Variants in POMGNT1 observed in about 807,000 individuals in gnomAD.
POMGNT1 encodes the protein protein O-linked-mannose beta-1,2-N-acetylglucosaminyltransferase 1.
POMGNT1 carries 67 observed loss-of-function variants against 95.6 expected under a neutral mutation model. The observed-to-expected ratio is 0.70, with a 90% confidence interval of 0.58 to 0.86. POMGNT1 has a LOEUF of 0.86. Among genes scored for constraint, POMGNT1 ranks in the 40% least tolerant of loss-of-function variants. The pLI is 0.00. For missense variants in POMGNT1, 719 were observed against 855.2 expected (o/e 0.84, Z 1.99); for synonymous variants, 298 against 317.9 (o/e 0.94, Z 0.66).
At chr1:46,219,857 A>C in exon 1 of POMGNT1, 1 of 1,613,916 alleles carries the variant, frequency 6.2e-7, no homozygotes, top group South Asian at 1.1e-5. Flanking sequence ...GCGGGAGCCC[A>C]GGCCGCTCAA....
upstream of POMGNT1, among the ~76,000 whole-genome samples, chr1:46,202,383 T>C (rs985760197): frequency 6.6e-6 from 1 of 151,984 alleles, no homozygotes; most frequent in Non-Finnish European, 1.5e-5. Flanking sequence ...GGCCATCACC[T>C]GGGAGCTTAT....
At chr1:46,189,818 G>A in intron 20 of POMGNT1, 36 bp downstream of exon 20, 1 of 1,612,830 alleles carries the variant, frequency 6.2e-7, no homozygotes. Context: ...GTGTGAGGGG[G>A]AGGGGTTCTC....
chr1:46,203,350 A>T (rs1051916910), upstream of POMGNT1: 3 of 1,337,894 alleles, frequency 2.2e-6, no homozygotes, highest in African/African-American at 4.6e-5. Flanking sequence ...GCTCCGCTTT[A>T]GCAGCGGCGA....
rs764809782 is a variant in POMGNT1, at chr1:46,196,017, C to T, written c.415G>A (p.Ala139Thr). ...ACCCACCCCTAGAAACTCACCGTGG[C>T]CTGGTTGAGGACAATGACATGGATG... ...RGIHVIVLNQ[A>T]TGHVMAKRVF... Residue 139 changes from alanine (A) to threonine (T), a missense_variant, in exon 5 of 22, where the codon GCC becomes ACC. Transcript: ENST00000371984. This position sits in a 1 kb window ranked among gnomAD's most constrained non-coding sequence, Gnocchi z 4.4. 8 of 1,614,046 alleles carry T rather than the reference C, an allele frequency of 5.0e-6. No individual in the cohort carries two copies. The South Asian group carries it at 7.7e-5, about 16-fold the overall frequency.
At chr1:46,199,092 C>CCACCA (rs1215024877), upstream of POMGNT1, among the ~76,000 whole-genome samples, 4 of 152,140 alleles carry the variant, frequency 2.6e-5, no homozygotes, top group Non-Finnish European at 5.9e-5. Flanking sequence ...CGGTCGTGCG[C>CCACCA]CACCACACCC....
intron 1 of POMGNT1, chr1:46,203,539 G>A (rs1009384532): frequency 2.4e-5 from 38 of 1,568,862 alleles, no homozygotes; most frequent in Non-Finnish European, 3.2e-5. Flanking sequence ...TGTGAGCTGG[G>A]AACCTCTGGC....
At chr1:46,189,731 G>T (rs891927317) in intron 20 of POMGNT1, 123 bp downstream of exon 20, 3 of 1,556,354 alleles carry the variant, frequency 1.9e-6, no homozygotes, top group Non-Finnish European at 1.7e-6. Context: ...TGGAAGAGGT[G>T]TTCTAAGAGT....
upstream of POMGNT1, among the ~76,000 whole-genome samples, chr1:46,201,527 C>T (rs796110817): frequency 1.3e-5 from 2 of 151,220 alleles, no homozygotes; most frequent in African/African-American, 4.9e-5. Context: ...GTGAAACCCC[C>T]GTCTCTACTA....
Position 46,189,120 on chromosome 1 carries a change from C to A in POMGNT1, c.*150G>T. On this transcript the variant is annotated 3_prime_UTR_variant, in exon 22 of 22. Coordinates refer to ENST00000371984, the MANE Select transcript of POMGNT1 (RefSeq NM_017739.4). ...GAACGGGGTGTTGGAGCAGGGGAAC[C>A]CTCCCCTTGGAGTTAGTAATTAAGT... is the stretch of plus-strand genomic sequence containing the variant. 1.3e-6 allele frequency: 2 copies of A among 1,492,368 alleles called. No individual in the cohort carries two copies. Among genetic ancestry groups the A allele is most frequent in the Non-Finnish European group, 8.9e-7 (1 of 1,123,110 alleles). The allele number at this position is 1,492,368 out of a possible 1,614,324, so 92.4% of individuals were successfully genotyped here.
chr1:46,193,441 C>T, intron 11 of POMGNT1, 53 bp from the exon 12 acceptor site: 3 of 1,605,152 alleles, frequency 1.9e-6, no homozygotes, highest in Non-Finnish European at 2.6e-6. Context: ...CTCTGCCCAC[C>T]TCTGCAATCC....
upstream of POMGNT1, among the ~76,000 whole-genome samples, chr1:46,201,697 C>CAA (rs59930051): frequency 1.9e-3 from 165 of 85,940 alleles, 1 homozygote; most frequent in African/African-American, 6.7e-3. Context: ...GACTCCATCT[C>CAA]AAAAAAAAAA....
chr1:46,216,147 C>G (rs1055536474), intron 1 of POMGNT1, among the ~76,000 whole-genome samples: 1 of 143,822 alleles, frequency 7.0e-6, no homozygotes, highest in Non-Finnish European at 1.5e-5. Context: ...CCCAGGTTCA[C>G]GCCATTCTCC....
chr1:46,215,559 A>G (rs2148250796), intron 1 of POMGNT1, among the ~76,000 whole-genome samples: 1 of 152,218 alleles, frequency 6.6e-6, no homozygotes, highest in Admixed American at 6.5e-5. Flanking sequence ...ACAAAGGATC[A>G]GGGATTGGAA....
chr1:46,204,233 C>T (rs1228849437), intron 1 of POMGNT1, among the ~76,000 whole-genome samples: 1 of 152,174 alleles, frequency 6.6e-6, no homozygotes, highest in Non-Finnish European at 1.5e-5. Flanking sequence ...CTGATTCCCT[C>T]GCCTCAGACT....
Position 46,193,642 on chromosome 1 carries a change from G to A in POMGNT1, c.951-3C>T. 6.2e-7 allele frequency: 1 copy of A among 1,614,146 alleles called. No homozygotes were observed. The highest frequency in any genetic ancestry group is 8.5e-7 in the Non-Finnish European group (1 of 1,180,004). ...CTGAAAGCAGAGAGCGCAGCATCCT[G>A]GGGAGCCCAGGGATAGGTTAGGGTC... On this transcript the variant is annotated splice_polypyrimidine_tract_variant and splice_region_variant and intron_variant, in intron 10 of 21. Transcript: ENST00000371984.
rs769793612 is a variant in POMGNT1 at position 46,192,458 on chromosome 1, G to A, written c.1285-22C>T. The stretch of plus-strand genomic sequence containing the variant: ...ACCCCTGGGGACAGGGTGCCATAGT[G>A]GGAGGTATTAGCTGAGGCCTCATAA... On this transcript the variant is annotated intron_variant, in intron 15 of 21. Coordinates refer to ENST00000371984, the MANE Select transcript of POMGNT1 (RefSeq NM_017739.4). The A allele has an allele frequency of 2.5e-6, 4 of 1,614,154 alleles. No homozygotes were observed. The Admixed American group carries it at 6.7e-5, about 27-fold the overall frequency.
intron 1 of POMGNT1, among the ~76,000 whole-genome samples, chr1:46,209,957 A>G (rs982300975): frequency 6.6e-6 from 1 of 152,210 alleles, no homozygotes; most frequent in African/African-American, 2.4e-5. Context: ...GGACTAGGAC[A>G]GTTGTCTTCA....
At chr1:46,191,810 A>C in intron 17 of POMGNT1, 4 of 372,394 alleles carry the variant, frequency 1.1e-5, no homozygotes, top group South Asian at 8.5e-5. Context: ...AATTTTTTGT[A>C]TTTTTAGTAG....
At chr1:46,216,115 C>T (rs1328195244) in intron 1 of POMGNT1, among the ~76,000 whole-genome samples, 3 of 125,166 alleles carry the variant, frequency 2.4e-5, no homozygotes, top group Non-Finnish European at 4.7e-5. Context: ...GGCGCGATCT[C>T]GGCTCACTGC....
Sources: allele counts gnomAD v4.1 joint callset (sites outside exome capture counted in the v4.1 genomes callset), GRCh38; gene constraint gnomAD v4.1.1; non-coding constraint Gnocchi (gnomAD v3.1); transcripts MANE v1.5; gene names NCBI Gene and HGNC (gene_info 2026-07-23, HGNC 2026-07-21).